The following ANKS1B variants were observed in gnomAD, a reference collection of about 807,000 sequenced individuals.
ANKS1B encodes ankyrin repeat and sterile alpha motif domain-containing protein 1B.
ANKS1B carries 36 observed loss-of-function variants against 148.3 expected under a neutral mutation model. The ratio of observed to expected loss-of-function variants is 0.24; its 90% CI spans 0.19 to 0.32. The LOEUF is 0.32. Ranked by LOEUF, ANKS1B falls within the 10% of genes least tolerant of loss-of-function variation. The pLI is 1.00. For synonymous variants in ANKS1B, 542 were observed against 560.8 expected, an observed-to-expected ratio of 0.97 and a Z score of 0.47; for missense variants, 1,157 against 1,542.6, an observed-to-expected ratio of 0.75 and a Z score of 4.19.
At chr12:99,046,899 A>G (rs2099962827) in intron 17 of ANKS1B, among the ~76,000 whole-genome samples, 1 of 152,282 alleles carries the variant, frequency 6.6e-6, no homozygotes, top group South Asian at 2.1e-4. Flanking sequence ...TACACTGCAT[A>G]GTAACAGTGA....
chr12:98,833,104 A>C (rs2099334179), intron 17 of ANKS1B, among the ~76,000 whole-genome samples: 1 of 152,130 alleles, frequency 6.6e-6, no homozygotes, highest in Non-Finnish European at 1.5e-5. Context: ...AGAGCTCTCA[A>C]AGGGAACTGA....
chr12:99,908,247 A>G (rs2093864587), intron 1 of ANKS1B, among the ~76,000 whole-genome samples: 1 of 152,180 alleles, frequency 6.6e-6, no homozygotes, highest in Non-Finnish European at 1.5e-5. Flanking sequence ...TATAAGGACA[A>G]AAATCATTGC....
chr12:98,997,369 A>G (rs2099930313), intron 17 of ANKS1B, among the ~76,000 whole-genome samples: 2 of 152,044 alleles, frequency 1.3e-5, no homozygotes, highest in South Asian at 4.2e-4. Context: ...TTAAAAAACT[A>G]AATATTAAAA....
intron 17 of ANKS1B, among the ~76,000 whole-genome samples, chr12:99,017,734 G>A (rs2099943389): frequency 1.3e-5 from 2 of 152,138 alleles, no homozygotes; most frequent in East Asian, 1.9e-4. Context: ...GTTCTCCCAC[G>A]TGAGTTAGCT....
chr12:98,946,155 G>A (rs1216817817), intron 17 of ANKS1B, among the ~76,000 whole-genome samples: 1 of 152,092 alleles, frequency 6.6e-6, no homozygotes, highest in Admixed American at 6.5e-5. Context: ...AAGTTTTTTG[G>A]GGCTTCTAGG....
Position 99,501,054 on chromosome 12 carries a change from T to C in ANKS1B, c.1438+3422A>G, listed in dbSNP as rs186613973. Among the ~76,000 whole-genome samples the C allele has an allele frequency of 3.5e-3, 527 of 152,202 alleles. 6 individuals are homozygous for C. Among genetic ancestry groups the C allele is most frequent in the African/African-American group, 0.011 (441 of 41,484 alleles). ...TTGAGTTTTAAATTGCATGTGTGTA[T>C]GTGTAAGTAATTGGAATTTTTTTCA... On this transcript the variant is annotated intron_variant, in intron 10 of 26. Transcript: ENST00000683438.
intron 2 of ANKS1B, among the ~76,000 whole-genome samples, chr12:99,816,267 T>C (rs2069126474): frequency 6.6e-6 from 1 of 151,980 alleles, no homozygotes; most frequent in African/African-American, 2.4e-5. Flanking sequence ...TTCACATGTT[T>C]GTTGGCTGTC....
chr12:99,755,176 C>CT (rs57477225), intron 8 of ANKS1B, among the ~76,000 whole-genome samples: 66,271 of 151,648 alleles, frequency 0.44, 14,857 homozygotes, highest in South Asian at 0.61. Flanking sequence ...GATATTACCC[C>CT]GACCCCATAG....
intron 1 of ANKS1B, among the ~76,000 whole-genome samples, chr12:99,898,051 A>G (rs2093449326): frequency 6.6e-6 from 1 of 152,194 alleles, no homozygotes; most frequent in Admixed American, 6.5e-5. Context: ...ATAGCAACAC[A>G]TATAAAGCTC....
At chr12:99,413,421 A>G (rs537054619) in intron 11 of ANKS1B, among the ~76,000 whole-genome samples, 1 of 152,214 alleles carries the variant, frequency 6.6e-6, no homozygotes, top group South Asian at 2.1e-4. Context: ...TAAAGCCAAG[A>G]GCCTAATAAC....
chr12:99,556,241 A>G (rs993353141), intron 9 of ANKS1B, among the ~76,000 whole-genome samples: 1 of 152,004 alleles, frequency 6.6e-6, no homozygotes, highest in African/African-American at 2.4e-5. Context: ...ATAGTTCCTG[A>G]GGGTTTTGTG....
chr12:99,381,275 G>A (rs1009142290), intron 12 of ANKS1B, among the ~76,000 whole-genome samples: 1 of 152,134 alleles, frequency 6.6e-6, no homozygotes, highest in Admixed American at 6.5e-5. Context: ...AGTACCTTTG[G>A]GACAACTGAG....
chr12:99,553,764 C>T (rs575958413), intron 9 of ANKS1B, among the ~76,000 whole-genome samples: 3 of 152,132 alleles, frequency 2.0e-5, no homozygotes, highest in African/African-American at 4.8e-5. Flanking sequence ...TTTTTATTTG[C>T]GGGATCATCT....
At chr12:99,526,173 G>A (rs1232161016) in intron 9 of ANKS1B, among the ~76,000 whole-genome samples, 1 of 152,066 alleles carries the variant, frequency 6.6e-6, no homozygotes, top group Non-Finnish European at 1.5e-5. Context: ...GAAAAAAATG[G>A]GCACTTTATA....
chr12:99,190,744 G>A (rs1328895208), intron 14 of ANKS1B, among the ~76,000 whole-genome samples: 1 of 152,112 alleles, frequency 6.6e-6, no homozygotes, highest in African/African-American at 2.4e-5. Flanking sequence ...AAAAACCCTA[G>A]AAGAAAACCT....
chr12:99,984,164 C>A lies in ANKS1B; in HGVS notation c.74G>T (p.Gly25Val). Reference sequence around the variant, plus strand: ...ACCGCCCAGGATCCCTCCTTTCCTGCCAGACAGGAGTTTCTCCACCAGAGC... The same window carrying A: ...ACCGCCCAGGATCCCTCCTTTCCTGACAGACAGGAGTTTCTCCACCAGAGC... ...NVALVEKLLS[G>V]RKGGILGGGS... Residue 25 changes from glycine to valine, a missense_variant, in exon 1 of 27, where the codon GGC becomes GTC. Coordinates refer to ENST00000683438, the MANE Select transcript of ANKS1B (RefSeq NM_001352186.2). 1 of 1,613,888 alleles carries A rather than the reference C, an allele frequency of 6.2e-7. No homozygotes were observed. Among genetic ancestry groups the A allele is most frequent in the Non-Finnish European group, 8.5e-7 (1 of 1,179,846 alleles).
chr12:99,880,874 G>A lies in ANKS1B; in HGVS notation c.135-55485C>T, dbSNP rs79644666. Among the ~76,000 whole-genome samples, 257 of 152,264 alleles carry A rather than the reference G, an allele frequency of 1.7e-3. 9 individuals carry two copies. The East Asian group carries it at 0.042, about 25-fold the overall frequency. Reference sequence around the variant, plus strand: ...GTCATAACAAGTGAAAGCTAAAATGGAGCATGAATACATAATTTGCTGATT... The same window carrying A: ...GTCATAACAAGTGAAAGCTAAAATGAAGCATGAATACATAATTTGCTGATT... On this transcript the variant is annotated intron_variant, in intron 1 of 26. Coordinates refer to ENST00000683438, the MANE Select transcript of ANKS1B (RefSeq NM_001352186.2).
At chr12:99,545,994 A>T (rs1360920818) in intron 9 of ANKS1B, among the ~76,000 whole-genome samples, 1 of 152,086 alleles carries the variant, frequency 6.6e-6, no homozygotes, top group Non-Finnish European at 1.5e-5. Context: ...GGCCAGAAGA[A>T]TACTGAAAAA....
chr12:98,768,602 C>T (rs534919268), intron 25 of ANKS1B, among the ~76,000 whole-genome samples: 43 of 151,678 alleles, frequency 2.8e-4, no homozygotes, highest in Admixed American at 2.2e-3. Flanking sequence ...GGCGTGCTGG[C>T]GGGTGCCTGT....
Sources: gnomAD v4.1 joint callset for allele counts (sites outside exome capture counted in the v4.1 genomes callset) on GRCh38, gnomAD v4.1.1 for gene constraint, MANE v1.5 for transcripts, NCBI Gene and HGNC (gene_info 2026-07-23, HGNC 2026-07-21) for gene names.